The following PDE4B variants were observed in gnomAD, a reference collection of about 807,000 sequenced individuals.
The protein encoded by PDE4B is phosphodiesterase 4B, also known as 3',5'-cyclic-AMP phosphodiesterase 4B.
A neutral mutation model predicts 82.2 loss-of-function variants in PDE4B; 20 were observed. That is an observed-to-expected ratio of 0.24 (90% CI 0.17 to 0.35). PDE4B has a LOEUF of 0.35. Among genes scored for constraint, PDE4B ranks in the 10% least tolerant of loss-of-function variants. The pLI is 1.00. For synonymous variants in PDE4B, 320 were observed against 318.9 expected, an observed-to-expected ratio of 1.00 and a Z score of -0.04; for missense variants, 655 against 907.2, an observed-to-expected ratio of 0.72 and a Z score of 3.57.
rs1458736582 is a variant in PDE4B at position 65,887,216 on chromosome 1, T to TTCTG, written c.-70-26026_-70-26025insGTCT. On this transcript the variant is annotated intron_variant, in intron 1 of 16. Coordinates refer to ENST00000341517, the MANE Select transcript of PDE4B (RefSeq NM_002600.4). Reference sequence around the variant, plus strand: ...TTTCTTTCTTTCTTTCTTTCTTTCTTTCTTTCTTTCTTTCTTTCTTTCTTT... The same window carrying TTCTG: ...TTTCTTTCTTTCTTTCTTTCTTTCTTTCTGTCTTTCTTTCTTTCTTTCTTTCTTT... Among the ~76,000 whole-genome samples, 3 of 19,144 alleles carry TTCTG rather than the reference T, an allele frequency of 1.6e-4. No homozygotes were observed. In the East Asian group the frequency reaches 3.6e-3, roughly 23 times the overall value. 12.6% of individuals were successfully genotyped at this position (19,144 alleles called of 152,430 possible).
At chr1:66,062,755 T>C (rs1655643649) in intron 3 of PDE4B, 1 of 152,080 alleles carries the variant, frequency 6.6e-6, no homozygotes, top group African/African-American at 2.4e-5. Context: ...AGTGATTGAT[T>C]TGTGTTAGTT....
At chr1:65,911,499 T>C (rs1488365046) in intron 1 of PDE4B, among the ~76,000 whole-genome samples, 1 of 152,180 alleles carries the variant, frequency 6.6e-6, no homozygotes, top group Non-Finnish European at 1.5e-5. Context: ...CTTGCTTTTC[T>C]TAAATTTAGG....
At chr1:66,083,810 C>T (rs1656865347) in intron 3 of PDE4B, among the ~76,000 whole-genome samples, 1 of 152,152 alleles carries the variant, frequency 6.6e-6, no homozygotes, top group African/African-American at 2.4e-5. Flanking sequence ...CATTGTTAAA[C>T]TCCTGAAATG....
At chr1:66,282,239 A>G (rs1291016905) in intron 7 of PDE4B, among the ~76,000 whole-genome samples, 1 of 152,108 alleles carries the variant, frequency 6.6e-6, no homozygotes, top group African/African-American at 2.4e-5. Context: ...GTTTTCCCTC[A>G]TGGGAATAAC....
At chr1:66,291,631 G>T (rs566996617) in intron 7 of PDE4B, among the ~76,000 whole-genome samples, 1 of 152,224 alleles carries the variant, frequency 6.6e-6, no homozygotes, top group South Asian at 2.1e-4. Context: ...TGGTTTGTTG[G>T]TTTTTTGCAA....
At chr1:66,125,453 C>G (rs982942672) in intron 3 of PDE4B, among the ~76,000 whole-genome samples, 1 of 152,198 alleles carries the variant, frequency 6.6e-6, no homozygotes, top group Admixed American at 6.5e-5. Flanking sequence ...TGAGCCACCA[C>G]GCCCTGCCCC....
chr1:66,322,698 A>T (rs149561633), intron 7 of PDE4B, among the ~76,000 whole-genome samples: 4 of 151,578 alleles, frequency 2.6e-5, no homozygotes, highest in African/African-American at 9.7e-5. Context: ...GGAACGCAAA[A>T]AATTCCTGTG....
At chr1:66,184,824 T>C (rs943552823) in intron 3 of PDE4B, among the ~76,000 whole-genome samples, 1 of 150,642 alleles carries the variant, frequency 6.6e-6, no homozygotes, top group African/African-American at 2.4e-5. Flanking sequence ...ACTCTTTAAC[T>C]TTATTGTGCC....
intron 3 of PDE4B, among the ~76,000 whole-genome samples, chr1:66,242,952 G>A (rs75379640): frequency 0.022 from 3,369 of 152,282 alleles, 69 homozygotes; most frequent in Non-Finnish European, 0.03. Flanking sequence ...GAATAACTGT[G>A]GGCCAGAGAA....
At position 66,372,455 on chromosome 1, in the gene PDE4B, C is replaced by T. The variant is rs900993164; in HGVS notation, c.1988C>T (p.Pro663Leu). 6 of 1,613,974 alleles carry T rather than the reference C, an allele frequency of 3.7e-6. No homozygotes were observed. The highest frequency in any genetic ancestry group is 4.5e-5 in the East Asian group (2 of 44,890). Residue 663 changes from proline (P) to leucine (L), a missense_variant, in exon 17 of 17, where the codon CCA becomes CTA. Physicochemically the swap from Pro to Leu is moderately conservative, Grantham distance 98. Coordinates refer to ENST00000341517, the MANE Select transcript of PDE4B (RefSeq NM_002600.4). ...ATGATACCTCAAAGTCCCTCACCAC[C>T]ACTGGACGAGCAGAACAGGGACTGC... ...QSMIPQSPSP[P>L]LDEQNRDCQG...
At chr1:65,944,255 A>AT (rs893374000) in intron 3 of PDE4B, among the ~76,000 whole-genome samples, 51 of 148,928 alleles carry the variant, frequency 3.4e-4, no homozygotes, top group African/African-American at 4.9e-4. Context: ...ATGGTTTTTG[A>AT]TTTTTTTTTT....
chr1:66,036,599 T>A (rs1654075968), intron 3 of PDE4B, among the ~76,000 whole-genome samples: 1 of 152,196 alleles, frequency 6.6e-6, no homozygotes, highest in South Asian at 2.1e-4. Context: ...TGTGTGTCCC[T>A]AGTGCCCTTG....
At chr1:65,994,419 T>C (rs757471139) in intron 3 of PDE4B, among the ~76,000 whole-genome samples, 6 of 152,182 alleles carry the variant, frequency 3.9e-5, no homozygotes, top group Non-Finnish European at 5.9e-5. Context: ...GGTCATCTTC[T>C]TGATGTATTA....
chr1:65,956,372 A>G (rs748119023), intron 3 of PDE4B, among the ~76,000 whole-genome samples: 1 of 152,094 alleles, frequency 6.6e-6, no homozygotes, highest in Non-Finnish European at 1.5e-5. Context: ...CTTTCCACCA[A>G]TTATTTTCTT....
intron 1 of PDE4B, among the ~76,000 whole-genome samples, chr1:65,851,489 T>G (rs1646332883): frequency 6.6e-6 from 1 of 152,070 alleles, no homozygotes; most frequent in Admixed American, 6.6e-5. Context: ...TCTCTATTTA[T>G]TTAGGTCTTT....
intron 8 of PDE4B, among the ~76,000 whole-genome samples, chr1:66,340,027 C>T (rs1483580453): frequency 6.6e-6 from 1 of 152,056 alleles, no homozygotes; most frequent in African/African-American, 2.4e-5. Context: ...ATCTGGAAGC[C>T]AGGACTTACT....
intron 3 of PDE4B, among the ~76,000 whole-genome samples, chr1:66,193,399 A>T (rs1360597818): frequency 6.6e-6 from 1 of 152,138 alleles, no homozygotes; most frequent in Non-Finnish European, 1.5e-5. Flanking sequence ...ATGGAATGAT[A>T]TTGTAGGTTC....
chr1:66,372,422 A>G lies in PDE4B; in HGVS notation c.1955A>G (p.Tyr652Cys). The stretch of plus-strand genomic sequence containing the variant: ...ACCTTAGAAGATAACAGGAACTGGT[A>G]TCAGAGCATGATACCTCAAAGTCCC... ...LDTLEDNRNW[Y>C]QSMIPQSPSP... is the part of the protein sequence containing the mutation. Residue 652 changes from tyrosine (Y) to cysteine (C), a missense_variant, in exon 17 of 17, where the codon TAT becomes TGT. By Grantham distance (194) the Tyr-to-Cys change is radical. Coordinates refer to ENST00000341517, the MANE Select transcript of PDE4B (RefSeq NM_002600.4). 6.2e-7 allele frequency: 1 copy of G among 1,614,156 alleles called. No homozygotes were observed. Among genetic ancestry groups the G allele is most frequent in the Non-Finnish European group, 8.5e-7 (1 of 1,179,988 alleles).
chr1:66,364,771 C>T (rs999616035), intron 12 of PDE4B, among the ~76,000 whole-genome samples: 3 of 152,140 alleles, frequency 2.0e-5, no homozygotes, highest in African/African-American at 4.8e-5. Flanking sequence ...ATCAACTGCT[C>T]ACTGTTATTA....
Sources: allele counts gnomAD v4.1 joint callset (sites outside exome capture counted in the v4.1 genomes callset), GRCh38; gene constraint gnomAD v4.1.1; transcripts MANE v1.5; gene names NCBI Gene and HGNC (gene_info 2026-07-23, HGNC 2026-07-21).